Variants in FHIT observed in about 807,000 individuals in gnomAD.
FHIT encodes the protein bis(5'-adenosyl)-triphosphatase.
In FHIT, 19 loss-of-function variants were observed where a neutral mutation model predicts 17.9. The observed-to-expected ratio is 1.06, with a 90% CI of 0.74 to 1.56. The LOEUF (loss-of-function observed/expected upper bound fraction) is 1.56. Among genes scored for constraint, FHIT ranks in the 40% most tolerant of loss-of-function variants. The pLI, the probability that FHIT is intolerant of heterozygous loss-of-function variation, is 0.00. For synonymous variants in FHIT, 81 were observed against 69.7 expected, an observed-to-expected ratio of 1.16 and a Z score of -0.81; for missense variants, 248 against 189.2, an observed-to-expected ratio of 1.31 and a Z score of -1.82.
chr3:60,127,909 T>A (rs535493242), intron 5 of FHIT, among the ~76,000 whole-genome samples: 4 of 152,236 alleles, frequency 2.6e-5, no homozygotes, highest in African/African-American at 9.6e-5. Flanking sequence ...GGGATTACAG[T>A]CATGAGCCAT....
intron 7 of FHIT, among the ~76,000 whole-genome samples, chr3:59,927,157 C>T (rs1278859163): frequency 2.0e-5 from 3 of 152,126 alleles, no homozygotes; most frequent in East Asian, 3.9e-4. Flanking sequence ...GAGTGATGTG[C>T]GCTGAGTGAA....
chr3:60,659,996 TA>T (rs2040202970), intron 4 of FHIT, among the ~76,000 whole-genome samples: 1 of 152,198 alleles, frequency 6.6e-6, no homozygotes, highest in Non-Finnish European at 1.5e-5. Flanking sequence ...GATGTAAAGT[TA>T]AGTCCTTCTC....
intron 5 of FHIT, among the ~76,000 whole-genome samples, chr3:60,160,735 T>A (rs1700902849): frequency 6.6e-6 from 1 of 152,130 alleles, no homozygotes; most frequent in Non-Finnish European, 1.5e-5. Context: ...TGACAACATA[T>A]GACACCCAAA....
At chr3:60,935,580 T>C (rs1553772867) in intron 3 of FHIT, among the ~76,000 whole-genome samples, 1 of 152,240 alleles carries the variant, frequency 6.6e-6, no homozygotes, top group Admixed American at 6.5e-5. Context: ...CACATGAGCC[T>C]GCTCTCTTCT....
chr3:60,013,956 C>A lies in FHIT; in HGVS notation c.249+51G>T, dbSNP rs777715371. The A allele has an allele frequency of 3.2e-6, 5 of 1,580,378 alleles. No individual in the cohort carries two copies. The South Asian group carries it at 4.5e-5, about 14-fold the overall frequency. On this transcript the variant is annotated intron_variant, in intron 6 of 9. Transcript: ENST00000492590. ...GATATCAGGAGGAGCAAGCCCAATG[C>A]CGGGATATGAAAGGGAAGAAAAATC...
chr3:59,867,020 G>A (rs976659529), intron 8 of FHIT, among the ~76,000 whole-genome samples: 4 of 151,086 alleles, frequency 2.6e-5, no homozygotes, highest in Non-Finnish European at 4.4e-5. Flanking sequence ...TAAGGGGTTC[G>A]TGAAGTTCAT....
chr3:60,370,035 G>T (rs758792360), intron 5 of FHIT, among the ~76,000 whole-genome samples: 3 of 152,168 alleles, frequency 2.0e-5, no homozygotes, highest in Non-Finnish European at 2.9e-5. Context: ...ATAGACAAAA[G>T]TATCCGCTAT....
intron 5 of FHIT, among the ~76,000 whole-genome samples, chr3:60,430,206 C>T (rs1329697368): frequency 6.6e-6 from 1 of 152,010 alleles, no homozygotes; most frequent in Non-Finnish European, 1.5e-5. Flanking sequence ...TGTTGCATTC[C>T]ACTGGAGAAT....
intron 3 of FHIT, among the ~76,000 whole-genome samples, chr3:60,895,509 T>G (rs1705745289): frequency 6.6e-6 from 1 of 152,214 alleles, no homozygotes; most frequent in Admixed American, 6.5e-5. Context: ...TAACACCTAT[T>G]GACAATTCTA....
chr3:60,194,236 G>T (rs914517533), intron 5 of FHIT, among the ~76,000 whole-genome samples: 2 of 152,082 alleles, frequency 1.3e-5, no homozygotes, highest in African/African-American at 2.4e-5. Flanking sequence ...TATAAAAGTA[G>T]ATTTATAGGC....
intron 8 of FHIT, among the ~76,000 whole-genome samples, chr3:59,792,601 A>C (rs769971540): frequency 6.6e-6 from 1 of 152,166 alleles, no homozygotes; most frequent in Admixed American, 6.5e-5. Flanking sequence ...CTGCCTCACA[A>C]AGATTTGATG....
intron 3 of FHIT, among the ~76,000 whole-genome samples, chr3:60,977,205 A>G (rs765393641): frequency 3.3e-5 from 5 of 152,176 alleles, no homozygotes; most frequent in African/African-American, 4.8e-5. Flanking sequence ...TGTGTAAGCT[A>G]ATTTTCACTG....
intron 7 of FHIT, among the ~76,000 whole-genome samples, chr3:59,970,772 G>A (rs747439716): frequency 4.7e-4 from 71 of 151,574 alleles, no homozygotes; most frequent in Non-Finnish European, 9.1e-4. Context: ...TGTCTCGTCC[G>A]GCACTAACAC....
intron 4 of FHIT, chr3:60,732,247 T>A: frequency 1.1e-6 from 1 of 869,860 alleles, no homozygotes. Context: ...GCCTTCACCA[T>A]GCCAAAGACC....
At chr3:59,806,679 T>TAC (rs1486731465) in intron 8 of FHIT, among the ~76,000 whole-genome samples, 2 of 7,422 alleles carry the variant, frequency 2.7e-4, no homozygotes, top group Admixed American at 2.1e-3. Context: ...TATGTGTATA[T>TAC]ATATGTATAT....
intron 8 of FHIT, among the ~76,000 whole-genome samples, chr3:59,887,743 G>C (rs1703687826): frequency 6.6e-6 from 1 of 152,184 alleles, no homozygotes; most frequent in Admixed American, 6.5e-5. Flanking sequence ...AGGCATTCAG[G>C]TGACTGCCCA....
intron 7 of FHIT, among the ~76,000 whole-genome samples, chr3:59,966,023 T>C (rs1470666216): frequency 1.3e-5 from 2 of 152,132 alleles, no homozygotes; most frequent in African/African-American, 4.8e-5. Context: ...ATAAACTGAT[T>C]TGAAAACATC....
intron 5 of FHIT, among the ~76,000 whole-genome samples, chr3:60,105,555 A>G (rs1232096523): frequency 6.6e-6 from 1 of 152,180 alleles, no homozygotes; most frequent in East Asian, 1.9e-4. Flanking sequence ...TGAAACATAT[A>G]AGAATATTGC....
intron 8 of FHIT, among the ~76,000 whole-genome samples, chr3:59,811,797 G>C (rs1700414873): frequency 1.3e-5 from 2 of 152,186 alleles, no homozygotes; most frequent in South Asian, 2.1e-4. Flanking sequence ...TACTGCCACT[G>C]TGATAGCCAC....
Sources: gnomAD v4.1 joint callset for allele counts (sites outside exome capture counted in the v4.1 genomes callset) on GRCh38, gnomAD v4.1.1 for gene constraint, MANE v1.5 for transcripts, NCBI Gene and HGNC (gene_info 2026-07-23, HGNC 2026-07-21) for gene names.